FHIT: variants seen among roughly 807,000 people sequenced by gnomAD.
The protein encoded by FHIT is fragile histidine triad diadenosine triphosphatase.
A neutral mutation model predicts 17.9 loss-of-function variants in FHIT; 19 were observed. The observed-to-expected ratio is 1.06, with a 90% CI of 0.74 to 1.56. FHIT has a LOEUF of 1.56. Among genes scored for constraint, FHIT ranks in the 40% most tolerant of loss-of-function variants. The pLI, the probability that FHIT is intolerant of heterozygous loss-of-function variation, is 0.00. For synonymous variants in FHIT, 81 were observed against 69.7 expected, an observed-to-expected ratio of 1.16 and a Z score of -0.81; for missense variants, 248 against 189.2, an observed-to-expected ratio of 1.31 and a Z score of -1.82.
At chr3:60,293,029 T>C (rs1708057125) in intron 5 of FHIT, among the ~76,000 whole-genome samples, 1 of 152,154 alleles carries the variant, frequency 6.6e-6, no homozygotes, top group Admixed American at 6.6e-5. Context: ...TTGGTTCCCC[T>C]GATGCCAATA....
At chr3:60,748,387 G>A (rs1021326426) in intron 4 of FHIT, among the ~76,000 whole-genome samples, 1 of 152,194 alleles carries the variant, frequency 6.6e-6, no homozygotes, top group African/African-American at 2.4e-5. Flanking sequence ...GGCTTATACA[G>A]TCTTGCCTGG....
At chr3:60,663,837 G>T (rs566315854) in intron 4 of FHIT, among the ~76,000 whole-genome samples, 1 of 152,220 alleles carries the variant, frequency 6.6e-6, no homozygotes, top group South Asian at 2.1e-4. Flanking sequence ...GTAAAAATAC[G>T]ATTAACTGTT....
intron 5 of FHIT, among the ~76,000 whole-genome samples, chr3:60,084,597 A>G (rs1703421700): frequency 1.3e-5 from 2 of 152,228 alleles, no homozygotes; most frequent in African/African-American, 4.8e-5. Context: ...ATTATATCCC[A>G]TTATTGCTGG....
chr3:61,056,515 C>G (rs896704414), intron 2 of FHIT, among the ~76,000 whole-genome samples: 1 of 152,114 alleles, frequency 6.6e-6, no homozygotes, highest in Non-Finnish European at 1.5e-5. Context: ...GAGTAAGAAG[C>G]GAAGCTGATG....
intron 5 of FHIT, among the ~76,000 whole-genome samples, chr3:60,231,663 T>A (rs376021509): frequency 6.6e-6 from 1 of 152,216 alleles, no homozygotes; most frequent in Non-Finnish European, 1.5e-5. Flanking sequence ...ATGTGTCAAG[T>A]GCTTTACGTG....
chr3:60,115,202 C>A (rs181483225), intron 5 of FHIT, among the ~76,000 whole-genome samples: 1 of 152,180 alleles, frequency 6.6e-6, no homozygotes, highest in East Asian at 1.9e-4. Flanking sequence ...AAACTTTCAG[C>A]TCCCCAAAGC....
At chr3:60,334,966 T>C (rs1037169622) in intron 5 of FHIT, among the ~76,000 whole-genome samples, 1 of 152,224 alleles carries the variant, frequency 6.6e-6, no homozygotes, top group African/African-American at 2.4e-5. Context: ...CAACTGAAAA[T>C]AGTCCCATAC....
At chr3:60,720,527 T>A (rs1003497422) in intron 4 of FHIT, among the ~76,000 whole-genome samples, 1 of 152,180 alleles carries the variant, frequency 6.6e-6, no homozygotes, top group South Asian at 2.1e-4. Context: ...TGAATATTAG[T>A]CTTGCTAAAA....
intron 8 of FHIT, among the ~76,000 whole-genome samples, chr3:59,874,115 G>C (rs752789022): frequency 1.2e-4 from 19 of 152,194 alleles, no homozygotes; most frequent in Admixed American, 1.2e-3. Flanking sequence ...TCTCAAAAAA[G>C]AATCACAAAA....
intron 5 of FHIT, among the ~76,000 whole-genome samples, chr3:60,251,202 G>A (rs1440879414): frequency 1.3e-5 from 2 of 152,174 alleles, no homozygotes; most frequent in African/African-American, 2.4e-5. Context: ...ATAAAAAACA[G>A]CCAGAGGCTT....
chr3:61,190,473 A>C (rs1576181117), intron 2 of FHIT, among the ~76,000 whole-genome samples: 2 of 152,198 alleles, frequency 1.3e-5, no homozygotes, highest in South Asian at 2.1e-4. Flanking sequence ...ACACTGTTAC[A>C]CTGTTGGTGG....
intron 5 of FHIT, among the ~76,000 whole-genome samples, chr3:60,409,089 C>G (rs1290559488): frequency 6.6e-6 from 1 of 152,174 alleles, no homozygotes; most frequent in Non-Finnish European, 1.5e-5. Flanking sequence ...CTCAGCAAAA[C>G]AGGAGAGTAC....
chr3:60,961,002 C>T (rs1468901793), intron 3 of FHIT, among the ~76,000 whole-genome samples: 1 of 152,196 alleles, frequency 6.6e-6, no homozygotes, highest in Non-Finnish European at 1.5e-5. Context: ...CTTGAAGAAT[C>T]GCCACACTGT....
chr3:60,672,656 A>G (rs770907242), intron 4 of FHIT, among the ~76,000 whole-genome samples: 97 of 152,324 alleles, frequency 6.4e-4, no homozygotes, highest in Non-Finnish European at 1.2e-3. Context: ...GCCTGACAGT[A>G]TCCATATTGA....
intron 3 of FHIT, among the ~76,000 whole-genome samples, chr3:60,902,469 C>T (rs1553763431): frequency 2.0e-5 from 3 of 152,116 alleles, no homozygotes; most frequent in African/African-American, 2.4e-5. Flanking sequence ...AGGGCTGACC[C>T]GAAAGTTCCA....
chr3:61,092,552 A>C (rs1395054655), intron 2 of FHIT, among the ~76,000 whole-genome samples: 2 of 152,084 alleles, frequency 1.3e-5, no homozygotes, highest in Admixed American at 1.3e-4. Context: ...TTTGTTAAAA[A>C]ACTTCCGTAT....
rs746726640 is a variant in FHIT, at chr3:60,038,958, G to C, written c.104-24806C>G. Among the ~76,000 whole-genome samples, 3 of 152,134 alleles carry C rather than the reference G, an allele frequency of 2.0e-5. No individual in the cohort carries two copies. In the South Asian group the frequency reaches 6.2e-4, roughly 32 times the overall value. ...TATGTACTGCCTCTTATGGTTTCTGGAGGGGGTGGTCAGGAATTTTGGATC... is the reference window on the plus strand; with the variant it reads ...TATGTACTGCCTCTTATGGTTTCTGCAGGGGGTGGTCAGGAATTTTGGATC... On this transcript the variant is annotated intron_variant, in intron 5 of 9. Transcript: ENST00000492590.
chr3:60,107,352 A>G (rs1387779865), intron 5 of FHIT, among the ~76,000 whole-genome samples: 3 of 152,118 alleles, frequency 2.0e-5, no homozygotes, highest in Admixed American at 6.5e-5. Context: ...CAGATATACA[A>G]TTCATATTCT....
At chr3:61,178,211 T>C (rs1374287687) in intron 2 of FHIT, among the ~76,000 whole-genome samples, 1 of 150,254 alleles carries the variant, frequency 6.7e-6, no homozygotes, top group Non-Finnish European at 1.5e-5. Flanking sequence ...AGGCACTGGG[T>C]TTCATTCTGT....
Sources: allele counts gnomAD v4.1 joint callset (sites outside exome capture counted in the v4.1 genomes callset), GRCh38; gene constraint gnomAD v4.1.1; transcripts MANE v1.5; gene names NCBI Gene and HGNC (gene_info 2026-07-23, HGNC 2026-07-21).